Variants in NEK10 observed in about 807,000 individuals in gnomAD.
NEK10 encodes serine/threonine-protein kinase Nek10.
NEK10 carries 122 observed loss-of-function variants against 159.8 expected under a neutral mutation model. The ratio of observed to expected loss-of-function variants is 0.76; its 90% confidence interval spans 0.66 to 0.89. NEK10 has a LOEUF of 0.89. Ranked by LOEUF, NEK10 falls within the 40% of genes least tolerant of loss-of-function variation. NEK10 has a pLI of 0.00. For synonymous variants in NEK10, 466 were observed against 457.1 expected, an observed-to-expected ratio of 1.02 and a Z score of -0.25; for missense variants, 1,342 against 1,323.1, an observed-to-expected ratio of 1.01 and a Z score of -0.22.
rs368913860 is a variant in NEK10 at position 27,353,318 on chromosome 3, G to A, written c.-37-399C>T. On this transcript the variant is annotated intron_variant, in intron 1 of 35. Coordinates refer to ENST00000691995, the MANE Select transcript of NEK10 (RefSeq NM_001394966.1). ...TTCTATGGGTTTAATTTGACTGGATGTAAAATTTTCCAACTGTGCTTCAAT... is the reference window on the plus strand; with the variant it reads ...TTCTATGGGTTTAATTTGACTGGATATAAAATTTTCCAACTGTGCTTCAAT... Among the ~76,000 whole-genome samples the A allele has an allele frequency of 9.0e-4, 137 of 152,254 alleles. No individual in the cohort carries two copies. In the Middle Eastern group the frequency reaches 0.01, roughly 11 times the overall value.
At chr3:27,251,560 G>A (rs979109300) in intron 23 of NEK10, among the ~76,000 whole-genome samples, 1 of 152,154 alleles carries the variant, frequency 6.6e-6, no homozygotes, top group African/African-American at 2.4e-5. Context: ...ATGAATGTAA[G>A]TTTCCTGGGG....
At chr3:27,357,788 A>G (rs2048417241) in intron 1 of NEK10, among the ~76,000 whole-genome samples, 1 of 152,164 alleles carries the variant, frequency 6.6e-6, no homozygotes, top group South Asian at 2.1e-4. Flanking sequence ...ATGAATCTCT[A>G]ATTGAGAACC....
At chr3:27,141,442 C>A in intron 31 of NEK10, 40 bp downstream of exon 31, 2 of 1,460,282 alleles carry the variant, frequency 1.4e-6, no homozygotes, top group Non-Finnish European at 1.9e-6. Context: ...ACCAAACTTG[C>A]ATTTAAGATG....
intron 1 of NEK10, among the ~76,000 whole-genome samples, chr3:27,364,180 T>G (rs1445301591): frequency 6.6e-6 from 1 of 151,966 alleles, no homozygotes. Flanking sequence ...TTACTTTATT[T>G]ATTTATTTTT....
At position 27,162,713 on chromosome 3, in the gene NEK10, T is replaced by C; in HGVS notation, c.2857A>G (p.Arg953Gly). The change falls in exon 30 of 36, where the codon AGA (arginine) becomes GGA (glycine). Residue 953 changes from arginine to glycine, a missense_variant. By Grantham distance (125) the Arg-to-Gly change is moderately radical. Coordinates refer to ENST00000691995, the MANE Select transcript of NEK10 (RefSeq NM_001394966.1). ...TRDFTGGTGS[R>G]PRPASAGIAV... ...AACACTAAGTTACCTGGTCTTGGTC[T>C]TGATCCTGTTCCTCCAGTGAAGTCC... is the stretch of plus-strand genomic sequence containing the variant. The C allele has an allele frequency of 1.9e-6, 3 of 1,614,130 alleles. No homozygotes were observed. The South Asian group carries it at 3.3e-5, about 18-fold the overall frequency.
chr3:27,163,778 G>C (rs1481952800), intron 29 of NEK10, among the ~76,000 whole-genome samples: 2 of 152,150 alleles, frequency 1.3e-5, no homozygotes, highest in Non-Finnish European at 2.9e-5. Context: ...CTAGGTATAA[G>C]GCACATGATA....
At chr3:27,156,544 C>G (rs573307893) in intron 30 of NEK10, among the ~76,000 whole-genome samples, 2 of 151,760 alleles carry the variant, frequency 1.3e-5, no homozygotes, top group Non-Finnish European at 2.9e-5. Flanking sequence ...AACGAACATA[C>G]GAAAAAATGT....
chr3:27,204,804 T>G (rs1311792407), intron 23 of NEK10, among the ~76,000 whole-genome samples: 1 of 143,640 alleles, frequency 7.0e-6, no homozygotes. Flanking sequence ...GCATGATTTA[T>G]AGTCATTTGG....
At chr3:27,196,620 C>G (rs1427822191) in intron 25 of NEK10, among the ~76,000 whole-genome samples, 1 of 152,174 alleles carries the variant, frequency 6.6e-6, no homozygotes, top group Non-Finnish European at 1.5e-5. Flanking sequence ...CCCCAAGAGT[C>G]CTGGGTAGCC....
chr3:27,108,851 T>C lies in NEK10; in HGVS notation c.*2421A>G, dbSNP rs1435408936. 3.9e-5 allele frequency among the ~76,000 whole-genome samples: 6 copies of C among 152,168 alleles called. No homozygotes were observed. Among genetic ancestry groups the C allele is most frequent in the Non-Finnish European group, 8.8e-5 (6 of 68,032 alleles). On this transcript the variant is annotated 3_prime_UTR_variant, in exon 36 of 36. Coordinates refer to ENST00000691995, the MANE Select transcript of NEK10 (RefSeq NM_001394966.1). ...TTGGGATGTGACTCTATGTACAAAA[T>C]GGTGCTTTTGCCAGAGCCTGACTTT...
At chr3:27,241,534 G>C (rs1218604712) in intron 23 of NEK10, among the ~76,000 whole-genome samples, 1 of 152,098 alleles carries the variant, frequency 6.6e-6, no homozygotes, top group Non-Finnish European at 1.5e-5. Flanking sequence ...TCTCCTTTTG[G>C]GTATTCAAAT....
At chr3:27,214,209 T>C (rs1951275239) in intron 23 of NEK10, among the ~76,000 whole-genome samples, 1 of 152,258 alleles carries the variant, frequency 6.6e-6, no homozygotes, top group Non-Finnish European at 1.5e-5. Context: ...TTACGTATGT[T>C]GATTGATGTC....
chr3:27,259,991 C>T (rs761197853), intron 22 of NEK10, among the ~76,000 whole-genome samples: 17 of 151,988 alleles, frequency 1.1e-4, no homozygotes, highest in African/African-American at 4.8e-5. Context: ...ATTGTGAATG[C>T]GAGTTCACTC....
rs577079463 is a variant in NEK10, at chr3:27,291,737, C to T, written c.1374-151G>A. ...AGCTCACTGCAAGCTCTGCCTCCCA[C>T]GTTCACGCCATTCTCCTGCCTCAGC... On this transcript the variant is annotated intron_variant, in intron 16 of 35. Transcript: ENST00000691995. 7.2e-5 allele frequency among the ~76,000 whole-genome samples: 11 copies of T among 152,206 alleles called. No homozygotes were observed. The South Asian group carries it at 1.7e-3, about 23-fold the overall frequency.
At chr3:27,159,515 A>G (rs1457748198) in intron 30 of NEK10, among the ~76,000 whole-genome samples, 1 of 152,188 alleles carries the variant, frequency 6.6e-6, no homozygotes, top group Non-Finnish European at 1.5e-5. Context: ...CTGGGAAAAC[A>G]GAGCTAAAAT....
chr3:27,305,614 TAA>T (rs760028989), intron 11 of NEK10, among the ~76,000 whole-genome samples: 7 of 112,328 alleles, frequency 6.2e-5, no homozygotes, highest in Admixed American at 7.9e-5. Flanking sequence ...TGCTAAAGAC[TAA>T]AAAAAAAAAA....
rs572230226 is a variant in NEK10, at chr3:27,255,401, G to A, written c.2090+895C>T. 51 of 220,900 alleles carry A rather than the reference G, an allele frequency of 2.3e-4. No homozygotes were observed. In the Admixed American group the frequency reaches 2.5e-3, roughly 11 times the overall value. 13.7% of individuals were successfully genotyped at this position (220,900 alleles called of 1,614,324 possible). A position where few individuals can be genotyped will look rare whatever the true frequency, so the allele number is the denominator to read the frequency against. ...GAACACTTCTGCATGAAAGGACTTT[G>A]TAAAATTAGGCTGCTATTTTTAGAC... On this transcript the variant is annotated intron_variant, in intron 23 of 35. Coordinates refer to ENST00000691995, the MANE Select transcript of NEK10 (RefSeq NM_001394966.1).
chr3:27,352,324 C>A (rs1438202478), intron 3 of NEK10, 141 bp downstream of exon 3: 1 of 662,060 alleles, frequency 1.5e-6, no homozygotes, highest in Non-Finnish European at 2.7e-6. Context: ...GTCAGAGAAA[C>A]AGCCAGATGA....
At chr3:27,322,298 A>T in intron 5 of NEK10, 37 bp from the exon 6 acceptor site, 1 of 1,262,374 alleles carries the variant, frequency 7.9e-7, no homozygotes, top group East Asian at 2.5e-5. Flanking sequence ...TTCACGTTTA[A>T]AATCCCAGTG....
Sources: allele counts gnomAD v4.1 joint callset (sites outside exome capture counted in the v4.1 genomes callset), GRCh38; gene constraint gnomAD v4.1.1; transcripts MANE v1.5; gene names NCBI Gene and HGNC (gene_info 2026-07-23, HGNC 2026-07-21).